The following KLHL13 variants were observed in gnomAD, a reference collection of about 807,000 sequenced individuals.
KLHL13 encodes kelch like family member 13, also known as kelch-like protein 13.
In KLHL13, 10 loss-of-function variants were observed where a neutral mutation model predicts 37.1. That is an observed-to-expected ratio of 0.27 (90% confidence interval 0.17 to 0.46). The LOEUF (loss-of-function observed/expected upper bound fraction) is 0.46, where lower values mean the gene tolerates loss of function less well. Ranked by LOEUF, KLHL13 falls within the 20% of genes least tolerant of loss-of-function variation. The probability of loss-of-function intolerance (pLI) is 1.00; values close to 1 mark genes in which losing one functional copy is unlikely to be tolerated. For missense variants in KLHL13, 360 were observed against 509.3 expected, an observed-to-expected ratio of 0.71 and a Z score of 2.82; for synonymous variants, 163 against 181.2, an observed-to-expected ratio of 0.90 and a Z score of 0.81.
intron 1 of KLHL13, among the ~76,000 whole-genome samples, chrX:118,104,839 G>A: frequency 9.0e-6 from 1 of 110,645 alleles, no homozygotes; most frequent in East Asian, 2.8e-4. Flanking sequence ...GCTCAGCTCT[G>A]TGAGTATACT....
chrX:118,084,214 C>A (rs1016551085), intron 1 of KLHL13, among the ~76,000 whole-genome samples: 23 of 110,906 alleles, frequency 2.1e-4, no homozygotes, highest in African/African-American at 7.5e-4. Context: ...ACCTGTAGTC[C>A]TACCTGCTCT....
chrX:118,071,921 T>C (rs2054871145), intron 1 of KLHL13, among the ~76,000 whole-genome samples: 1 of 108,860 alleles, frequency 9.2e-6, no homozygotes, highest in South Asian at 4.1e-4. Context: ...AATTTACAGA[T>C]TTAATGCCAT....
chrX:118,007,710 A>G (rs1054872637), intron 1 of KLHL13, among the ~76,000 whole-genome samples: 4 of 111,246 alleles, frequency 3.6e-5, no homozygotes, highest in African/African-American at 9.8e-5. Flanking sequence ...CATGCATTTC[A>G]TAACACACCA....
chrX:117,964,773 T>C (rs368185496), intron 1 of KLHL13, among the ~76,000 whole-genome samples: 7 of 110,850 alleles, frequency 6.3e-5, no homozygotes, highest in African/African-American at 2.3e-4. Context: ...GAGTGTGATG[T>C]TCGCCTTCCT....
At chrX:117,916,722 T>G (rs1236855201) in intron 4 of KLHL13, among the ~76,000 whole-genome samples, 1 of 112,304 alleles carries the variant, frequency 8.9e-6, no homozygotes, top group African/African-American at 3.2e-5. Context: ...TGATTGAGAA[T>G]AGGATAGAAC....
intron 1 of KLHL13, among the ~76,000 whole-genome samples, chrX:118,053,868 G>C (rs988404229): frequency 1.1e-5 from 1 of 94,491 alleles, no homozygotes; most frequent in East Asian, 3.5e-4. Flanking sequence ...GAGAGAGAGA[G>C]AGAGAGAGAG....
chrX:118,020,499 C>T (rs12397001), intron 1 of KLHL13, among the ~76,000 whole-genome samples: 5,472 of 110,438 alleles, frequency 0.05, 386 homozygotes, highest in African/African-American at 0.17. Flanking sequence ...ACAACAGGTG[C>T]TGGAGAGGAT....
At chrX:118,108,947 T>C (rs1161812713) in intron 1 of KLHL13, among the ~76,000 whole-genome samples, 1 of 111,580 alleles carries the variant, frequency 9.0e-6, no homozygotes, top group African/African-American at 3.3e-5. Flanking sequence ...GCTGAGACTA[T>C]AGGCGTGTGC....
At chrX:118,011,936 A>G (rs2054074478) in intron 1 of KLHL13, among the ~76,000 whole-genome samples, 1 of 112,445 alleles carries the variant, frequency 8.9e-6, no homozygotes, top group Admixed American at 9.4e-5. Flanking sequence ...TGGATAAGAA[A>G]AATATAGATA....
chrX:117,945,783 G>A lies in KLHL13; in HGVS notation c.99-208C>T, dbSNP rs767004615. ...ATGGTTTCCAAGTACAGAATATACA[G>A]ATGATAACTGAGAAATCAACTTAAA... On this transcript the variant is annotated intron_variant, in intron 1 of 6. Coordinates refer to ENST00000262820, the Ensembl canonical transcript of KLHL13. The A allele has an allele frequency of 1.5e-4, 46 of 313,468 alleles. No homozygotes were observed. In the East Asian group the frequency reaches 2.1e-3, roughly 14 times the overall value. The allele number at this position is 313,468 out of a possible 1,213,427, so 25.8% of individuals were successfully genotyped here. A position where few individuals can be genotyped will look rare whatever the true frequency, so the allele number is the denominator to read the frequency against.
intron 1 of KLHL13, among the ~76,000 whole-genome samples, chrX:117,950,455 A>G (rs1933532256): frequency 1.8e-5 from 2 of 111,797 alleles, no homozygotes; most frequent in African/African-American, 6.5e-5. Flanking sequence ...TGAAAGAGTG[A>G]AACTCCATCT....
chrX:118,001,798 G>A (rs189566338), intron 1 of KLHL13, among the ~76,000 whole-genome samples: 247 of 106,976 alleles, frequency 2.3e-3, no homozygotes, highest in African/African-American at 7.9e-3. Context: ...CTGGGAGGCA[G>A]AGGTTGCAGT....
At chrX:118,094,869 C>T (rs12843531) in intron 1 of KLHL13, among the ~76,000 whole-genome samples, 89 of 111,141 alleles carry the variant, frequency 8.0e-4, no homozygotes, top group African/African-American at 2.8e-3. Flanking sequence ...CAGGCCTGCC[C>T]TAAAAGAGCT....
intron 1 of KLHL13, among the ~76,000 whole-genome samples, chrX:117,959,752 C>G (rs1291183093): frequency 9.0e-6 from 1 of 111,486 alleles, no homozygotes; most frequent in Non-Finnish European, 1.9e-5. Context: ...TATATGATGT[C>G]AAGGTCTTAT....
upstream of KLHL13, among the ~76,000 whole-genome samples, chrX:117,974,815 T>A (rs1478162260): frequency 1.8e-5 from 2 of 111,437 alleles, no homozygotes; most frequent in Non-Finnish European, 3.8e-5. Flanking sequence ...TAAAATTATG[T>A]CAGCCATCAT....
At chrX:117,975,680 C>T (rs1424872712), upstream of KLHL13, among the ~76,000 whole-genome samples, 1 of 112,099 alleles carries the variant, frequency 8.9e-6, no homozygotes, top group Non-Finnish European at 1.9e-5. Flanking sequence ...CGTGAGCCAC[C>T]GTGCCTGGTC....
At chrX:118,008,381 T>A (rs2054011818) in intron 1 of KLHL13, among the ~76,000 whole-genome samples, 1 of 112,165 alleles carries the variant, frequency 8.9e-6, no homozygotes, top group African/African-American at 3.2e-5. Context: ...CAGAACTAGC[T>A]TGGCCTTAGG....
chrX:118,036,426 A>G (rs1486284915), intron 1 of KLHL13, among the ~76,000 whole-genome samples: 1 of 111,499 alleles, frequency 9.0e-6, no homozygotes, highest in Admixed American at 9.5e-5. Context: ...CAGAGCCCTC[A>G]GAAACAACGC....
intron 2 of KLHL13, among the ~76,000 whole-genome samples, chrX:117,938,734 C>T (rs1353949008): frequency 9.0e-6 from 1 of 110,803 alleles, no homozygotes; most frequent in East Asian, 2.8e-4. Flanking sequence ...TTTTCTTTAG[C>T]GAGAGCACTT....
Sources: allele counts gnomAD v4.1 joint callset (sites outside exome capture counted in the v4.1 genomes callset), GRCh38; gene constraint gnomAD v4.1.1; transcripts MANE v1.5; gene names NCBI Gene and HGNC (gene_info 2026-07-23, HGNC 2026-07-21).